Variants in HELZ2 observed in about 807,000 individuals in gnomAD.
HELZ2 encodes the protein helicase with zinc finger 2.
In HELZ2, 143 loss-of-function variants were observed where a neutral mutation model predicts 208.8. The ratio of observed to expected loss-of-function variants is 0.68; its 90% CI spans 0.60 to 0.79. HELZ2 has a LOEUF of 0.79. Among genes scored for constraint, HELZ2 ranks in the 30% least tolerant of loss-of-function variants. The probability of loss-of-function intolerance (pLI) is 0.00; values close to 1 mark genes in which losing one functional copy is unlikely to be tolerated. For missense variants in HELZ2, 3,690 were observed against 3,794.5 expected, an observed-to-expected ratio of 0.97 and a Z score of 0.72; for synonymous variants, 1,705 against 1,693.7, an observed-to-expected ratio of 1.01 and a Z score of -0.16.
chr20:63,569,450 C>A, exon 4 of HELZ2: 1 of 1,609,602 alleles, frequency 6.2e-7, no homozygotes, highest in Non-Finnish European at 8.5e-7. Context: ...TTTGTAGCAG[C>A]ACCGGCCGGC....
At chr20:63,563,690 C>T in exon 8 of HELZ2, 2 of 1,581,024 alleles carry the variant, frequency 1.3e-6, no homozygotes, top group Non-Finnish European at 1.7e-6. Context: ...GTGCTGGAGG[C>T]TGAAGGCCTG....
chr20:63,562,206 G>T lies in HELZ2; in HGVS notation c.6398-3C>A. 6.2e-7 allele frequency: 1 copy of T among 1,611,926 alleles called. No homozygotes were observed. Among genetic ancestry groups the T allele is most frequent in the Non-Finnish European group, 8.5e-7 (1 of 1,179,724 alleles). On this transcript the variant is annotated splice_region_variant and splice_polypyrimidine_tract_variant and intron_variant, in intron 9 of 18. Coordinates refer to ENST00000467148, the Ensembl canonical transcript of HELZ2. ...CTCCAGGAACCTGCTGGGGATCACT[G>T]AGAGGGGGCAGCCTCCCTGAGCACT...
chr20:63,563,261 G>A, exon 8 of HELZ2: 1 of 1,557,640 alleles, frequency 6.4e-7, no homozygotes, highest in Non-Finnish European at 8.6e-7. Flanking sequence ...CCGCCGCTGG[G>A]ACGCCTCGCC....
At chr20:63,560,205 G>C (rs3810479) in exon 17 of HELZ2, 4 of 1,395,416 alleles carry the variant, frequency 2.9e-6, no homozygotes, top group Non-Finnish European at 2.8e-6. Flanking sequence ...CGGCCACCCC[G>C]GCGATGCCCT....
chr20:63,566,747 T>C, intron 6 of HELZ2, 97 bp downstream of exon 7: 1 of 1,221,364 alleles, frequency 8.2e-7, no homozygotes, highest in South Asian at 1.4e-5. Flanking sequence ...CTCTTACAGA[T>C]GGGGAAACTG....
chr20:63,563,938 G>A (rs773262100), exon 8 of HELZ2: 1 of 1,594,194 alleles, frequency 6.3e-7, no homozygotes, highest in Non-Finnish European at 8.6e-7. Flanking sequence ...CCAGGAATGG[G>A]TGCATGTCGT....
chr20:63,565,349 C>A, exon 8 of HELZ2: 1 of 1,607,466 alleles, frequency 6.2e-7, no homozygotes, highest in East Asian at 2.2e-5. Flanking sequence ...CAGGCGGCCC[C>A]TGACCTGGAT....
rs777544541 is a variant in HELZ2 at position 63,569,031 on chromosome 20, C to T, written c.1089-32G>A. 1.9e-6 allele frequency: 3 copies of T among 1,596,878 alleles called. No homozygotes were observed. The East Asian group carries it at 6.7e-5, about 36-fold the overall frequency. ...GGATGGCCTGGGTCAGCTCATGGGG[C>T]CACAGCTGCCAGCCCCGCTGCCAAG... On this transcript the variant is annotated intron_variant, in intron 4 of 18. Transcript: ENST00000467148.
rs1361986334 is a variant in HELZ2, at chr20:63,568,626, G to A, written c.1462C>T (p.Leu488=). ...GGCACCACCAGCTGCTCCTCAGGCA[G>A]TGTGTCCACTGCCTGGTGCCAGAGG... The change falls in exon 5 of 19, where the codon CTG becomes TTG. Residue 488 remains leucine, a synonymous_variant. Transcript: ENST00000467148. The A allele has an allele frequency of 2.5e-6, 4 of 1,602,500 alleles. No homozygotes were observed. The East Asian group carries it at 9.0e-5, about 36-fold the overall frequency.
At chr20:63,565,459 C>T (rs1325004992) in exon 8 of HELZ2, 4 of 1,608,746 alleles carry the variant, frequency 2.5e-6, no homozygotes, top group Non-Finnish European at 3.4e-6. Context: ...CCGCGTGCAG[C>T]AGCTTCCGTA....
At chr20:63,559,856 G>C in intron 18 of HELZ2, 72 bp downstream of exon 19, 1 of 1,535,274 alleles carries the variant, frequency 6.5e-7, no homozygotes, top group South Asian at 1.2e-5. Flanking sequence ...TCAGGCAGGA[G>C]TCGGCAGCTC....
At chr20:63,567,770 C>T in intron 5 of HELZ2, 143 bp from the exon 7 acceptor site, 4 of 1,457,518 alleles carry the variant, frequency 2.7e-6, no homozygotes, top group South Asian at 1.4e-5. Context: ...CACTGGTGTC[C>T]CTCCTGTCAG....
rs760395375 is a variant in HELZ2, at chr20:63,565,433, C to T, written c.3389G>A (p.Arg1130His). 20 of 1,610,128 alleles carry T rather than the reference C, an allele frequency of 1.2e-5. No individual in the cohort carries two copies. In the South Asian group the frequency reaches 1.5e-4, roughly 12 times the overall value. Residue 1130 changes from arginine (R) to histidine (H), a missense_variant, in exon 8 of 19, where the codon CGC (arginine) becomes CAC (histidine). By Grantham distance (29) the Arg-to-His change is conservative (BLOSUM62 0). Transcript: ENST00000467148. ...GGTCTCTGGCACGAAAGAGCAGTGG[C>T]GGTACCGCTCGGGCTCCGCGTGCAG...
At chr20:63,569,044 C>G (rs1429798805) in intron 4 of HELZ2, 45 bp from the exon 6 acceptor site, 33 of 1,595,912 alleles carry the variant, frequency 2.1e-5, no homozygotes, top group Non-Finnish European at 2.7e-5. Flanking sequence ...CAGCTGCCAG[C>G]CCCGCTGCCA....
In HELZ2 at chr20:63,564,864, G is replaced by A. The variant is rs372376486; in HGVS notation, c.3958C>T (p.Leu1320=). 7 of 1,612,092 alleles carry A rather than the reference G, an allele frequency of 4.3e-6. No homozygotes were observed. In the South Asian group the frequency reaches 7.7e-5, roughly 18 times the overall value. The change falls in exon 8 of 19, where the codon CTG becomes TTG. Residue 1320 remains leucine (L), a synonymous_variant. Coordinates refer to ENST00000467148, the Ensembl canonical transcript of HELZ2. The stretch of plus-strand genomic sequence containing the variant: ...CCAAGCTCCGTGTGGTATTTCTGCA[G>A]CACCTTGGTGATGGTGGCCTGGTCC...
At chr20:63,573,619 T>G (rs773702652), upstream of HELZ2, among the ~76,000 whole-genome samples, 24 of 152,082 alleles carry the variant, frequency 1.6e-4, no homozygotes, top group Non-Finnish European at 2.9e-4. This position sits in a 1 kb window ranked among gnomAD's most constrained non-coding sequence, Gnocchi z 4.9. Context: ...GGCCTCAGGC[T>G]CCTGACTCTT....
At chr20:63,568,052 G>T in intron 5 of HELZ2, 1 of 543,476 alleles carries the variant, frequency 1.8e-6, no homozygotes, top group Non-Finnish European at 3.2e-6. Flanking sequence ...ACAAAGATCT[G>T]TGTTTCTATA....
At chr20:63,562,885 C>T (rs34996572) in exon 8 of HELZ2, 42,146 of 1,602,810 alleles carry the variant, frequency 0.026, 632 homozygotes, top group Middle Eastern at 0.045. Context: ...GCTGCCCCTG[C>T]GGCGTCCGTG....
At chr20:63,561,304 G>T in intron 13 of HELZ2, 30 bp from the exon 15 acceptor site, 1 of 1,612,476 alleles carries the variant, frequency 6.2e-7, no homozygotes, top group Non-Finnish European at 8.5e-7. Flanking sequence ...TCACCCCAGG[G>T]CCCCCATGCT....
Sources: allele counts gnomAD v4.1 joint callset (sites outside exome capture counted in the v4.1 genomes callset), GRCh38; gene constraint gnomAD v4.1.1; non-coding constraint Gnocchi (gnomAD v3.1); transcripts MANE v1.5; gene names NCBI Gene and HGNC (gene_info 2026-07-23, HGNC 2026-07-21).